The following NEMF variants were observed in gnomAD, a reference collection of about 807,000 sequenced individuals.
The protein encoded by NEMF is ribosome quality control complex subunit NEMF.
Under a neutral mutation model 162.2 loss-of-function variants are expected in NEMF, and 89 were observed. That is an observed-to-expected ratio of 0.55 (90% confidence interval 0.46 to 0.65). The LOEUF (loss-of-function observed/expected upper bound fraction) is 0.65, where lower values mean the gene tolerates loss of function less well. NEMF is among the 30% of genes least tolerant of loss of function. NEMF has a pLI of 0.00. For synonymous variants in NEMF, 421 were observed against 404.5 expected (o/e 1.04, Z -0.49); for missense variants, 1,133 against 1,261.9 (o/e 0.90, Z 1.55).
chr14:49,819,456 C>T (rs1412002847), intron 16 of NEMF, among the ~76,000 whole-genome samples: 2 of 150,898 alleles, frequency 1.3e-5, no homozygotes, highest in Non-Finnish European at 2.9e-5. Flanking sequence ...GCTCTGTTGC[C>T]CAGGCTGGAG....
intron 26 of NEMF, among the ~76,000 whole-genome samples, chr14:49,790,614 T>C (rs1015910250): frequency 6.6e-6 from 1 of 152,164 alleles, no homozygotes; most frequent in African/African-American, 2.4e-5. Flanking sequence ...CAGGATCTAA[T>C]AAAGGCAAAC....
At chr14:49,848,791 C>A (rs1344879165) in intron 3 of NEMF, among the ~76,000 whole-genome samples, 1 of 146,092 alleles carries the variant, frequency 6.8e-6, no homozygotes, top group Non-Finnish European at 1.5e-5. Context: ...GCCAAGACTG[C>A]GCCACTGCCC....
intron 26 of NEMF, among the ~76,000 whole-genome samples, chr14:49,790,663 T>C (rs1312133846): frequency 1.3e-5 from 2 of 152,066 alleles, no homozygotes; most frequent in African/African-American, 2.4e-5. Context: ...CACTCATATG[T>C]ATATGAACAG....
intron 23 of NEMF, 77 bp from the exon 24 acceptor site, chr14:49,799,755 ATCAT>A (rs1477937666): frequency 8.1e-7 from 1 of 1,228,498 alleles, no homozygotes; most frequent in East Asian, 2.4e-5. Flanking sequence ...ACATTCCCAT[ATCAT>A]ACTCTTAAGT....
chr14:49,826,415 C>T (rs560972275), intron 15 of NEMF, among the ~76,000 whole-genome samples: 4 of 151,252 alleles, frequency 2.6e-5, no homozygotes, highest in Non-Finnish European at 4.4e-5. Context: ...AGGAATATAA[C>T]AAGGAAACCC....
chr14:49,834,845 AAC>A (rs1214026423), intron 6 of NEMF, among the ~76,000 whole-genome samples: 1 of 152,246 alleles, frequency 6.6e-6, no homozygotes, highest in Non-Finnish European at 1.5e-5. Flanking sequence ...TCTACTCAAT[AAC>A]AGTGGCTGGT....
intron 24 of NEMF, 33 bp downstream of exon 24, chr14:49,799,603 C>T (rs780548871): frequency 1.3e-6 from 2 of 1,598,194 alleles, no homozygotes; most frequent in African/African-American, 1.4e-5. Flanking sequence ...CACTGAGAAT[C>T]GGATGTTCTT....
intron 8 of NEMF, 31 bp downstream of exon 8, chr14:49,833,392 A>G: frequency 7.4e-7 from 1 of 1,355,302 alleles, no homozygotes; most frequent in Middle Eastern, 2.6e-4. Context: ...AATAAATCAC[A>G]ACAATATATA....
At chr14:49,810,316 G>A (rs765732931) in intron 18 of NEMF, among the ~76,000 whole-genome samples, 1 of 151,430 alleles carries the variant, frequency 6.6e-6, no homozygotes, top group Non-Finnish European at 1.5e-5. Flanking sequence ...TGCATGAGCC[G>A]AGATCACACC....
chr14:49,790,283 G>T (rs1186934507), intron 26 of NEMF, among the ~76,000 whole-genome samples: 1 of 152,144 alleles, frequency 6.6e-6, no homozygotes, highest in Admixed American at 6.5e-5. Context: ...AAAAACGCTT[G>T]CAATACATAT....
At chr14:49,804,666 A>AC (rs1891107852) in intron 19 of NEMF, among the ~76,000 whole-genome samples, 1 of 15,920 alleles carries the variant, frequency 6.3e-5, no homozygotes, top group Non-Finnish European at 6.8e-4. Flanking sequence ...ATTCCATCTC[A>AC]TAAAAAAAAA....
intron 25 of NEMF, among the ~76,000 whole-genome samples, chr14:49,799,079 C>T (rs919947702): frequency 6.7e-6 from 1 of 149,992 alleles, no homozygotes; most frequent in Admixed American, 6.7e-5. Flanking sequence ...TGTAGTGGCA[C>T]ACGCCTGTAG....
chr14:49,828,012 G>A (rs1412367984), intron 15 of NEMF, among the ~76,000 whole-genome samples: 1 of 152,198 alleles, frequency 6.6e-6, no homozygotes, highest in Admixed American at 6.5e-5. Flanking sequence ...AGGATTTACT[G>A]ATGGATTGCA....
At chr14:49,789,422 C>G in intron 27 of NEMF, 74 bp downstream of exon 27, 1 of 1,611,390 alleles carries the variant, frequency 6.2e-7, no homozygotes, top group Non-Finnish European at 8.5e-7. Context: ...TATTGAATGC[C>G]TGTCATACGC....
chr14:49,797,748 C>G (rs1371377585), intron 25 of NEMF, among the ~76,000 whole-genome samples: 1 of 152,226 alleles, frequency 6.6e-6, no homozygotes, highest in African/African-American at 2.4e-5. Context: ...CTATGTAATA[C>G]ACTGAAATCA....
Position 49,814,750 on chromosome 14 carries a change from C to T in NEMF, c.1681+4G>A. 6.5e-7 allele frequency: 1 copy of T among 1,530,832 alleles called. No individual in the cohort carries two copies. The highest frequency in any genetic ancestry group is 1.2e-5 in the South Asian group (1 of 82,330). 94.8% of individuals were successfully genotyped at this position (1,530,832 alleles called of 1,614,324 possible). On this transcript the variant is annotated splice_donor_region_variant and intron_variant, in intron 17 of 32. Coordinates refer to ENST00000298310, the MANE Select transcript of NEMF (RefSeq NM_004713.6). ...AAATTTTTCCGAATTTTAATCTTAC[C>T]TACCTGGTGTCAAGTATCTTTTCAC...
In NEMF at chr14:49,838,263, T is replaced by C. The variant is rs999583798; in HGVS notation, c.507-57A>G. 27 of 1,350,934 alleles carry C rather than the reference T, an allele frequency of 2.0e-5. No individual in the cohort carries two copies. The African/African-American group carries it at 3.0e-4, about 15-fold the overall frequency. The allele number at this position is 1,350,934 out of a possible 1,614,324, so 83.7% of individuals were successfully genotyped here. A position where few individuals can be genotyped will look rare whatever the true frequency, so the allele number is the denominator to read the frequency against. On this transcript the variant is annotated intron_variant, in intron 5 of 32. Coordinates refer to ENST00000298310, the MANE Select transcript of NEMF (RefSeq NM_004713.6). ...ATCTTAAATAAACCTTACAGCAATCTTCATATTAATACTACTTTCATCTGT... is the reference window on the plus strand; with the variant it reads ...ATCTTAAATAAACCTTACAGCAATCCTCATATTAATACTACTTTCATCTGT...
intron 3 of NEMF, among the ~76,000 whole-genome samples, chr14:49,849,925 CACTT>C (rs1419444209): frequency 2.6e-5 from 4 of 152,110 alleles, no homozygotes; most frequent in South Asian, 2.1e-4. Flanking sequence ...GATATGGAAA[CACTT>C]ACCTAATTTG....
At chr14:49,824,774 A>G (rs1892257209) in intron 16 of NEMF, among the ~76,000 whole-genome samples, 1 of 152,146 alleles carries the variant, frequency 6.6e-6, no homozygotes, top group Non-Finnish European at 1.5e-5. Flanking sequence ...GGAGACCTCA[A>G]AAACTCTGCT....
Sources: gnomAD v4.1 joint callset for allele counts (sites outside exome capture counted in the v4.1 genomes callset) on GRCh38, gnomAD v4.1.1 for gene constraint, MANE v1.5 for transcripts, NCBI Gene and HGNC (gene_info 2026-07-23, HGNC 2026-07-21) for gene names.